The following MCC variants were observed in gnomAD, a reference collection of about 807,000 sequenced individuals.
MCC encodes MCC regulator of Wnt signaling pathway, also known as colorectal mutant cancer protein.
A neutral mutation model predicts 116.2 loss-of-function variants in MCC; 90 were observed. The ratio of observed to expected loss-of-function variants is 0.77; its 90% CI spans 0.65 to 0.92. The LOEUF (loss-of-function observed/expected upper bound fraction) is 0.92. Among genes scored for constraint, MCC ranks in the 40% least tolerant of loss-of-function variants. The probability of loss-of-function intolerance (pLI) is 0.00; values close to 1 mark genes in which losing one functional copy is unlikely to be tolerated. For synonymous variants in MCC, 578 were observed against 510.5 expected (o/e 1.13, Z -1.78); for missense variants, 1,516 against 1,312.2 (o/e 1.16, Z -2.40).
intron 2 of MCC, among the ~76,000 whole-genome samples, chr5:113,381,111 T>C (rs1769107156): frequency 6.6e-6 from 1 of 152,150 alleles, no homozygotes; most frequent in Non-Finnish European, 1.5e-5. Context: ...AAGGTTATTT[T>C]AGTAGGCAAG....
intron 5 of MCC, among the ~76,000 whole-genome samples, chr5:113,125,461 A>AT (rs1319763036): frequency 3.3e-5 from 5 of 152,192 alleles, no homozygotes; most frequent in Non-Finnish European, 7.4e-5. Flanking sequence ...TAAATATTAG[A>AT]AAGTTCATGC....
At chr5:113,110,308 G>A (rs377558223) in intron 6 of MCC, among the ~76,000 whole-genome samples, 33 of 152,328 alleles carry the variant, frequency 2.2e-4, no homozygotes, top group African/African-American at 6.3e-4. Context: ...GGGAGCAAAC[G>A]GAGGCTGACA....
chr5:113,304,264 G>T (rs1766929028), intron 3 of MCC, among the ~76,000 whole-genome samples: 1 of 152,140 alleles, frequency 6.6e-6, no homozygotes, highest in South Asian at 2.1e-4. Flanking sequence ...GGATGCAGTA[G>T]GTAATTTGGT....
intron 3 of MCC, among the ~76,000 whole-genome samples, chr5:113,224,967 G>A (rs1763680826): frequency 1.3e-5 from 2 of 152,166 alleles, no homozygotes; most frequent in African/African-American, 4.8e-5. Flanking sequence ...AAGAAATGTA[G>A]GAGTGGTGAC....
At chr5:113,163,300 T>C (rs1372302485) in intron 3 of MCC, among the ~76,000 whole-genome samples, 1 of 152,156 alleles carries the variant, frequency 6.6e-6, no homozygotes, top group African/African-American at 2.4e-5. Flanking sequence ...AGAAAAATAA[T>C]CAAAAATAAT....
intron 3 of MCC, among the ~76,000 whole-genome samples, chr5:113,276,004 C>T (rs1055211993): frequency 2.5e-4 from 38 of 150,456 alleles, no homozygotes; most frequent in Middle Eastern, 3.4e-3. Flanking sequence ...AGGCCAACCC[C>T]AACTCCCATC....
intron 8 of MCC, among the ~76,000 whole-genome samples, chr5:113,100,363 G>A (rs145115552): frequency 2.3e-4 from 35 of 151,540 alleles, no homozygotes; most frequent in African/African-American, 6.3e-4. Context: ...TCCTGAGCTC[G>A]TTGAAGCATA....
chr5:113,178,431 AG>A (rs1438850997), intron 3 of MCC, among the ~76,000 whole-genome samples: 3 of 152,162 alleles, frequency 2.0e-5, no homozygotes, highest in Non-Finnish European at 2.9e-5. Flanking sequence ...AGAGCAAACA[AG>A]GGTAGATGGG....
rs1322942241 is a variant in MCC, at chr5:113,024,446, C to CAACAA, written c.*2851_*2855dup. 1 of 152,098 alleles carries CAACAA rather than the reference C, an allele frequency of 6.6e-6. No individual in the cohort carries two copies. The highest frequency in any genetic ancestry group is 2.4e-5 in the African/African-American group (1 of 41,408). The allele number at this position is 152,098 out of a possible 1,614,324, so 9.4% of individuals were successfully genotyped here. ...ACAGTTGGTTTTGTTTGCCTCAGTC[C>CAACAA]AACAATGGGAAATATATTCCAAGGG... is the stretch of plus-strand genomic sequence containing the variant. On this transcript the variant is annotated 3_prime_UTR_variant, in exon 19 of 19. Transcript: ENST00000408903.
intron 16 of MCC, among the ~76,000 whole-genome samples, chr5:113,046,965 C>T (rs1040195481): frequency 1.3e-5 from 2 of 152,148 alleles, no homozygotes; most frequent in African/African-American, 4.8e-5. Flanking sequence ...CCAGCCAGTG[C>T]ATCAACTCCA....
At chr5:113,427,112 A>G (rs780943071) in intron 1 of MCC, among the ~76,000 whole-genome samples, 7 of 152,240 alleles carry the variant, frequency 4.6e-5, no homozygotes, top group Non-Finnish European at 7.3e-5. Flanking sequence ...CCAATTTGTT[A>G]GGATAATAAA....
rs778018859 is a variant in MCC, at chr5:113,085,278, C to T, written c.1431G>A (p.Val477=). 3.1e-6 allele frequency: 5 copies of T among 1,614,026 alleles called. No homozygotes were observed. The South Asian group carries it at 4.4e-5, about 14-fold the overall frequency. ...CAGGGCTGGAGGGACCTGTGGCCTGCACGCTCTGTAGTCGAGTTTGAAGCT... is the reference window on the plus strand; with the variant it reads ...CAGGGCTGGAGGGACCTGTGGCCTGTACGCTCTGTAGTCGAGTTTGAAGCT... ...VRELQTRLQS[V]QATGPSSPGR... The change falls in exon 9 of 19, where the codon GTG becomes GTA. Residue 477 remains valine, a synonymous_variant. Coordinates refer to ENST00000408903, the MANE Select transcript of MCC (RefSeq NM_001085377.2).
At chr5:113,204,192 T>C (rs116257798) in intron 3 of MCC, among the ~76,000 whole-genome samples, 3,852 of 152,218 alleles carry the variant, frequency 0.025, 95 homozygotes, top group African/African-American at 0.062. Flanking sequence ...TTCATCAGCA[T>C]TATGGGCAAG....
chr5:113,461,263 A>G (rs914600098), intron 1 of MCC, among the ~76,000 whole-genome samples: 2 of 152,206 alleles, frequency 1.3e-5, no homozygotes, highest in African/African-American at 4.8e-5. Flanking sequence ...CCTGACTTAA[A>G]AAAACAAACA....
intron 1 of MCC, among the ~76,000 whole-genome samples, chr5:113,451,268 T>C (rs1771385122): frequency 6.6e-6 from 1 of 152,204 alleles, no homozygotes; most frequent in South Asian, 2.1e-4. Flanking sequence ...CAAAAGGCCC[T>C]CAGATAAAGC....
chr5:113,294,974 T>G (rs1188912537), intron 3 of MCC: 1 of 985,444 alleles, frequency 1.0e-6, no homozygotes, highest in Non-Finnish European at 1.2e-6. Context: ...GTCTAGCTGC[T>G]GGCCACGGGG....
At chr5:113,106,895 C>G (rs1440469187) in intron 6 of MCC, among the ~76,000 whole-genome samples, 3 of 152,228 alleles carry the variant, frequency 2.0e-5, no homozygotes, top group Admixed American at 6.5e-5. Flanking sequence ...CAAATGCTAT[C>G]TCCCCAACAA....
chr5:113,220,843 G>A (rs1466297713), intron 3 of MCC, among the ~76,000 whole-genome samples: 3 of 152,174 alleles, frequency 2.0e-5, no homozygotes, highest in African/African-American at 7.2e-5. Context: ...GCACTGGCTA[G>A]AACATCTAGT....
chr5:113,028,083 A>C (rs934749750), intron 18 of MCC, among the ~76,000 whole-genome samples: 2 of 152,188 alleles, frequency 1.3e-5, no homozygotes, highest in African/African-American at 4.8e-5. Context: ...AGGTAGGTCC[A>C]TTCCATGTAC....
Sources: gnomAD v4.1 joint callset for allele counts (sites outside exome capture counted in the v4.1 genomes callset) on GRCh38, gnomAD v4.1.1 for gene constraint, MANE v1.5 for transcripts, NCBI Gene and HGNC (gene_info 2026-07-23, HGNC 2026-07-21) for gene names.